Variants in RUNDC1 observed in about 807,000 individuals in gnomAD.
RUNDC1 encodes RUN domain containing 1, also known as RUN domain-containing protein 1.
A neutral mutation model predicts 49.3 loss-of-function variants in RUNDC1; 31 were observed. The ratio of observed to expected loss-of-function variants is 0.63; its 90% CI spans 0.47 to 0.85. RUNDC1 has a LOEUF of 0.85. Ranked by LOEUF, RUNDC1 falls within the 40% of genes least tolerant of loss-of-function variation. The pLI, the probability that RUNDC1 is intolerant of heterozygous loss-of-function variation, is 0.00. For missense variants in RUNDC1, 715 were observed against 806.7 expected, an observed-to-expected ratio of 0.89 and a Z score of 1.38; for synonymous variants, 347 against 348.6, an observed-to-expected ratio of 1.00 and a Z score of 0.05.
chr17:42,991,741 G>C lies in RUNDC1; in HGVS notation c.*25G>C. The C allele has an allele frequency of 6.9e-6, 11 of 1,590,864 alleles. No individual in the cohort carries two copies. The highest frequency in any genetic ancestry group is 1.7e-5 in the Admixed American group (1 of 58,744). The stretch of plus-strand genomic sequence containing the variant: ...ATGAGAGTGCCCTAACCCCAGACAA[G>C]CTCCTTGTTCAGTAGGGATAGATGT... On this transcript the variant is annotated 3_prime_UTR_variant, in exon 5 of 5. Coordinates refer to ENST00000361677, the MANE Select transcript of RUNDC1 (RefSeq NM_173079.5).
intron 1 of RUNDC1, among the ~76,000 whole-genome samples, chr17:42,982,281 C>T (rs931722284): frequency 1.1e-4 from 17 of 152,104 alleles, no homozygotes; most frequent in African/African-American, 4.1e-4. Flanking sequence ...GCCACCATGC[C>T]CCATCCCTTT....
At chr17:42,986,778 C>T (rs1273226340) in intron 1 of RUNDC1, among the ~76,000 whole-genome samples, 2 of 152,108 alleles carry the variant, frequency 1.3e-5, no homozygotes, top group Non-Finnish European at 1.5e-5. Flanking sequence ...GGATTACAGG[C>T]GTGAGCTACC....
rs1212515387 is a variant in RUNDC1, at chr17:42,991,547, T to C, written c.1673T>C (p.Ile558Thr). 1 of 1,614,158 alleles carries C rather than the reference T, an allele frequency of 6.2e-7. No individual in the cohort carries two copies. The highest frequency in any genetic ancestry group is 2.2e-5 in the East Asian group (1 of 44,886). The stretch of plus-strand genomic sequence containing the variant: ...CGTCTGGTGTCCTGGGTGAACCTCA[T>C]CTGCAAGTCCGGGTCACTCATCGAG... ...EQRLVSWVNLICKSGSLIEPH... is the reference protein window; with the variant it reads ...EQRLVSWVNLTCKSGSLIEPH... The change falls in exon 5 of 5, where the codon ATC becomes ACC. Residue 558 changes from isoleucine (I) to threonine (T), a missense_variant. By Grantham distance (89) the Ile-to-Thr change is moderately conservative. This residue lies in a region of RUNDC1 where 425 missense variants were observed against 499.7 expected (regional missense o/e 0.85). Transcript: ENST00000361677.
chr17:42,988,934 A>G (rs960456115), intron 2 of RUNDC1, among the ~76,000 whole-genome samples: 23 of 152,272 alleles, frequency 1.5e-4, no homozygotes, highest in African/African-American at 4.8e-4. Flanking sequence ...CTACGCTCAC[A>G]TTACTGGACC....
At chr17:42,986,967 A>G (rs972550618) in intron 1 of RUNDC1, among the ~76,000 whole-genome samples, 1 of 152,120 alleles carries the variant, frequency 6.6e-6, no homozygotes, top group Non-Finnish European at 1.5e-5. Context: ...TCTCTACCCT[A>G]ACTAGACCTT....
rs1369231863 is a variant in RUNDC1, at chr17:42,980,762, C to G, written c.186C>G (p.Ala62=). 6 of 1,500,866 alleles carry G rather than the reference C, an allele frequency of 4.0e-6. No homozygotes were observed. The Admixed American group carries it at 1.3e-4, about 33-fold the overall frequency. The allele number at this position is 1,500,866 out of a possible 1,614,324, so 93.0% of individuals were successfully genotyped here. A position where few individuals can be genotyped will look rare whatever the true frequency, so the allele number is the denominator to read the frequency against. Residue 62 remains alanine (A), a synonymous_variant, in exon 1 of 5, where the codon GCC becomes GCG. Coordinates refer to ENST00000361677, the MANE Select transcript of RUNDC1 (RefSeq NM_173079.5). The stretch of plus-strand genomic sequence containing the variant: ...CCGCGTTTTTAGAAGAGGCGACGGC[C>G]GAGGAGCCTGGCGCGGCCCCGGGCT... ...GATAFLEEAT[A]EEPGAAPGSP... is the part of the protein sequence containing the mutation.
intron 1 of RUNDC1, 101 bp downstream of exon 1, chr17:42,981,175 C>A: frequency 7.2e-7 from 1 of 1,392,028 alleles, no homozygotes; most frequent in Non-Finnish European, 9.5e-7. Flanking sequence ...GAAGCCTCCC[C>A]GACTCGGTCG....
intron 1 of RUNDC1, among the ~76,000 whole-genome samples, chr17:42,984,182 G>A (rs1279673193): frequency 6.6e-6 from 1 of 151,232 alleles, no homozygotes; most frequent in Non-Finnish European, 1.5e-5. Flanking sequence ...TCCCTATGTT[G>A]CTCAGCTGGT....
In RUNDC1 at chr17:42,991,444, C is replaced by T. The variant is rs1431391400; in HGVS notation, c.1570C>T (p.Leu524=). The change falls in exon 5 of 5, where the codon CTG becomes TTG. Residue 524 remains leucine (L), a synonymous_variant. Transcript: ENST00000361677. ...QSLLTAIHMV[L]TEHDPFKRSA... is the part of the protein sequence containing the mutation. Reference sequence around the variant, plus strand: ...CCTACTGACAGCCATCCACATGGTGCTGACAGAGCATGACCCTTTTAAGCG... The same window carrying T: ...CCTACTGACAGCCATCCACATGGTGTTGACAGAGCATGACCCTTTTAAGCG... 2.5e-6 allele frequency: 4 copies of T among 1,614,242 alleles called. No individual in the cohort carries two copies. The highest frequency in any genetic ancestry group is 3.4e-6 in the Non-Finnish European group (4 of 1,180,040).
rs933845516 is a variant in RUNDC1, at chr17:42,991,715, G to A, written c.1841G>A (p.Ter614=). ...CTCAAAAACATCAAAGATGCCTTTT[G>A]ATGAGAGTGCCCTAACCCCAGACAA... ...RQLKNIKDAF[*] The change falls in exon 5 of 5, where the codon TGA becomes TAA. Residue 614 remains the stop codon, a stop_retained_variant. Transcript: ENST00000361677. 4 of 1,608,534 alleles carry A rather than the reference G, an allele frequency of 2.5e-6. No individual in the cohort carries two copies. In the African/African-American group the frequency reaches 5.3e-5, roughly 21 times the overall value.
Position 42,991,915 on chromosome 17 carries a change from G to A in RUNDC1, c.*199G>A. The A allele has an allele frequency of 1.6e-6, 1 of 611,500 alleles. No homozygotes were observed. The highest frequency in any genetic ancestry group is 2.0e-5 in the South Asian group (1 of 49,298). 37.9% of individuals were successfully genotyped at this position (611,500 alleles called of 1,614,324 possible). On this transcript the variant is annotated 3_prime_UTR_variant, in exon 5 of 5. Transcript: ENST00000361677. ...AAAGATGTGCTGGAGGGACCCTCTT[G>A]TTAAGAAGGTTCTGCCAGGCCGGGC...
chr17:42,991,266 C>T lies in RUNDC1; in HGVS notation c.1392C>T (p.Ser464=). 1 of 1,614,222 alleles carries T rather than the reference C, an allele frequency of 6.2e-7. No homozygotes were observed. Among genetic ancestry groups the T allele is most frequent in the Non-Finnish European group, 8.5e-7 (1 of 1,180,054 alleles). The part of the protein sequence containing the change: ...APIACLLPAF[S]SAPEAMHPWE... ...TTGCTTGTTTGCTGCCAGCCTTCTC[C>T]TCGGCCCCAGAGGCCATGCACCCGT... The change falls in exon 5 of 5, where the codon TCC becomes TCT. Residue 464 remains serine (S), a synonymous_variant. Transcript: ENST00000361677.
chr17:42,985,541 C>A, intron 1 of RUNDC1: 1 of 246,834 alleles, frequency 4.1e-6, no homozygotes, highest in Non-Finnish European at 6.4e-6. Flanking sequence ...TCATGTTGAG[C>A]AAAGTTAAAG....
chr17:42,983,923 A>G (rs1366652034), intron 1 of RUNDC1, among the ~76,000 whole-genome samples: 1 of 151,398 alleles, frequency 6.6e-6, no homozygotes, highest in African/African-American at 2.4e-5. Flanking sequence ...TGACCTCATA[A>G]TCTGTCCGAC....
chr17:42,986,625 G>A (rs1289661349), intron 1 of RUNDC1, among the ~76,000 whole-genome samples: 5 of 152,008 alleles, frequency 3.3e-5, no homozygotes, highest in Admixed American at 1.3e-4. Context: ...AGCCTCCCAA[G>A]TAGCTGGGAC....
intron 1 of RUNDC1, among the ~76,000 whole-genome samples, chr17:42,984,666 A>AGTGT (rs2050146064): frequency 6.6e-6 from 1 of 152,130 alleles, no homozygotes; most frequent in Admixed American, 6.6e-5. Flanking sequence ...AGCATATCGT[A>AGTGT]GCTACCATGG....
At chr17:42,985,641 ACTTC>A (rs2050161793) in intron 1 of RUNDC1, 40 of 279,350 alleles carry the variant, frequency 1.4e-4, no homozygotes, top group Non-Finnish European at 1.7e-4. Context: ...CTCATTACTT[ACTTC>A]TTCAGGGCTT....
At chr17:42,982,538 T>C (rs2050115298) in intron 1 of RUNDC1, among the ~76,000 whole-genome samples, 2 of 152,144 alleles carry the variant, frequency 1.3e-5, no homozygotes, top group Non-Finnish European at 2.9e-5. Flanking sequence ...AGGTTCTACA[T>C]GATAGGAAAC....
intron 1 of RUNDC1, among the ~76,000 whole-genome samples, chr17:42,982,833 A>C (rs968447308): frequency 1.3e-5 from 2 of 151,380 alleles, no homozygotes; most frequent in Non-Finnish European, 2.9e-5. Context: ...AAAAAAAAAA[A>C]AAAACTAGCC....
Sources: gnomAD v4.1 joint callset for allele counts (sites outside exome capture counted in the v4.1 genomes callset) on GRCh38, gnomAD v4.1.1 for gene constraint, gnomAD v4.1.1 regional missense constraint, MANE v1.5 for transcripts, NCBI Gene and HGNC (gene_info 2026-07-23, HGNC 2026-07-21) for gene names.